KDM3A: variants seen among roughly 807,000 people sequenced by gnomAD.
KDM3A encodes the protein lysine-specific demethylase 3A.
A neutral mutation model predicts 158.0 loss-of-function variants in KDM3A; 60 were observed. That is an observed-to-expected ratio of 0.38 (90% CI 0.31 to 0.47). The LOEUF (loss-of-function observed/expected upper bound fraction) is 0.47. Ranked by LOEUF, KDM3A falls within the 20% of genes least tolerant of loss-of-function variation. The pLI, the probability that KDM3A is intolerant of heterozygous loss-of-function variation, is 0.99. For missense variants in KDM3A, 1,319 were observed against 1,574.3 expected (o/e 0.84, Z 2.74); for synonymous variants, 608 against 549.3 (o/e 1.11, Z -1.49).
intron 15 of KDM3A, chr2:86,479,209 C>T (rs182606210): frequency 1.2e-3 from 189 of 153,560 alleles, no homozygotes; most frequent in Non-Finnish European, 2.5e-3. Context: ...TTTCTCAGTC[C>T]TCATATGTCT....
At chr2:86,445,830 A>G (rs1436288058) in intron 2 of KDM3A, among the ~76,000 whole-genome samples, 1 of 152,250 alleles carries the variant, frequency 6.6e-6, no homozygotes, top group Admixed American at 6.5e-5. Context: ...ACATTTAGGC[A>G]TAAGAAGACA....
rs908501393 is a variant in KDM3A, at chr2:86,457,003, G to A, written c.775G>A (p.Ala259Thr). The change falls in exon 8 of 26, where the codon GCT becomes ACT. Residue 259 changes from alanine (A) to threonine (T), a missense_variant. Ala to Thr is a moderately conservative substitution (Grantham distance 58). Coordinates refer to ENST00000312912, the MANE Select transcript of KDM3A (RefSeq NM_018433.6). ...TTTAGGTAATTCTGCAAGAATTGGA[G>A]CTGTAAAACGCAAGTCTTCTGAGAA... is the stretch of plus-strand genomic sequence containing the variant. ...VTCGNSARIG[A>T]VKRKSSENNG... 43 of 1,603,250 alleles carry A rather than the reference G, an allele frequency of 2.7e-5. No homozygotes were observed. Among genetic ancestry groups the A allele is most frequent in the Middle Eastern group, 3.3e-4 (2 of 6,048 alleles).
In KDM3A at chr2:86,489,364, C is replaced by T; in HGVS notation, c.3360C>T (p.His1120=). 6.2e-7 allele frequency: 1 copy of T among 1,613,964 alleles called. No homozygotes were observed. Among genetic ancestry groups the T allele is most frequent in the Non-Finnish European group, 8.5e-7 (1 of 1,179,900 alleles). ...EDRKYGTTNL[H]LDVSDAANVM... ...GGAAATATGGAACAACAAATCTTCA[C>T]TTAGATGTATCTGATGCAGCTAATG... is the stretch of plus-strand genomic sequence containing the variant. The change falls in exon 22 of 26, where the codon CAC becomes CAT. Residue 1120 remains histidine (H), a synonymous_variant. Coordinates refer to ENST00000312912, the MANE Select transcript of KDM3A (RefSeq NM_018433.6).
rs751299695 is a variant in KDM3A at position 86,442,238 on chromosome 2, A to T, written c.186+5A>T. 1 of 1,597,712 alleles carries T rather than the reference A, an allele frequency of 6.3e-7. No homozygotes were observed. Among genetic ancestry groups the T allele is most frequent in the African/African-American group, 1.3e-5 (1 of 74,266 alleles). ...GTTACCAAGAAGGATCTGAAGGTACAGGCGGCTCCGGGCCTCTGCCACCGG... is the reference window on the plus strand; with the variant it reads ...GTTACCAAGAAGGATCTGAAGGTACTGGCGGCTCCGGGCCTCTGCCACCGG... On this transcript the variant is annotated splice_donor_5th_base_variant and intron_variant, in intron 2 of 25. Coordinates refer to ENST00000312912, the MANE Select transcript of KDM3A (RefSeq NM_018433.6).
chr2:86,475,120 G>A, intron 12 of KDM3A, 130 bp downstream of exon 12: 1 of 739,068 alleles, frequency 1.4e-6, no homozygotes, highest in Non-Finnish European at 2.3e-6. Flanking sequence ...TAATGAGGTT[G>A]CATTTTTCCT....
intron 10 of KDM3A, among the ~76,000 whole-genome samples, chr2:86,467,091 C>T (rs568636456): frequency 6.5e-4 from 99 of 152,246 alleles, no homozygotes; most frequent in African/African-American, 1.9e-3. Flanking sequence ...TATAGAAATA[C>T]AGATAAACTG....
intron 3 of KDM3A, 46 bp downstream of exon 3, chr2:86,450,008 T>G (rs773067385): frequency 6.5e-7 from 1 of 1,549,564 alleles, no homozygotes; most frequent in South Asian, 1.2e-5. Context: ...GAGGGCATTT[T>G]ATCCATTGTG....
At chr2:86,472,671 T>C (rs1262655212) in intron 11 of KDM3A, among the ~76,000 whole-genome samples, 1 of 152,186 alleles carries the variant, frequency 6.6e-6, no homozygotes, top group East Asian at 1.9e-4. Context: ...TTTGGACAAA[T>C]GGTTTTTCTA....
At chr2:86,482,191 A>T in intron 17 of KDM3A, 89 bp downstream of exon 17, 3 of 1,398,270 alleles carry the variant, frequency 2.1e-6, no homozygotes, top group Non-Finnish European at 3.0e-6. Flanking sequence ...AGTAGAAAGG[A>T]GACTGAATCA....
At chr2:86,465,775 C>T (rs1167559308) in intron 9 of KDM3A, among the ~76,000 whole-genome samples, 6 of 151,850 alleles carry the variant, frequency 4.0e-5, no homozygotes, top group Non-Finnish European at 5.9e-5. Flanking sequence ...TTTTTATATA[C>T]GTATATATTT....
At chr2:86,487,024 G>A (rs1000801958) in intron 21 of KDM3A, 2 of 152,326 alleles carry the variant, frequency 1.3e-5, no homozygotes, top group African/African-American at 4.8e-5. Context: ...GTGCTCTCTC[G>A]AGGTCCTGTC....
intron 11 of KDM3A, among the ~76,000 whole-genome samples, chr2:86,470,821 A>T (rs1431841648): frequency 6.6e-6 from 1 of 152,158 alleles, no homozygotes; most frequent in Non-Finnish European, 1.5e-5. Flanking sequence ...GAACCTCTTG[A>T]TCATAACCTT....
At chr2:86,468,038 AACGAAAACAACCT>A (rs1371583874) in intron 10 of KDM3A, among the ~76,000 whole-genome samples, 6 of 152,270 alleles carry the variant, frequency 3.9e-5, no homozygotes, top group African/African-American at 1.2e-4. Flanking sequence ...AAAACAAACA[AACGAAAACAACCT>A]ACGAAAACAA....
chr2:86,481,863 T>A (rs1673945982), intron 16 of KDM3A, 67 bp from the exon 17 acceptor site: 2 of 1,230,792 alleles, frequency 1.6e-6, no homozygotes, highest in Non-Finnish European at 1.2e-6. Flanking sequence ...ATTCTGCTAG[T>A]AGAATACTAA....
chr2:86,460,276 C>G (rs190814916), intron 8 of KDM3A, among the ~76,000 whole-genome samples: 115 of 152,112 alleles, frequency 7.6e-4, no homozygotes, highest in Admixed American at 1.6e-3. Flanking sequence ...TCCTTGATTC[C>G]CTTGCAATGT....
chr2:86,453,561 C>T (rs986297741), intron 4 of KDM3A, among the ~76,000 whole-genome samples: 49 of 152,186 alleles, frequency 3.2e-4, no homozygotes, highest in African/African-American at 1.1e-3. Context: ...CCTAGGCAGC[C>T]TAATATTTTT....
At position 86,470,272 on chromosome 2, in the gene KDM3A, T is replaced by A. The variant is rs1363162270; in HGVS notation, c.1588T>A (p.Phe530Ile). The change falls in exon 11 of 26, where the codon TTC becomes ATC. Residue 530 changes from phenylalanine (F) to isoleucine (I), a missense_variant. Phe to Ile is a conservative substitution (Grantham distance 21, BLOSUM62 0). Transcript: ENST00000312912. ...LKKLQQSGEA[F>I]VQDDSCVNIV... ...AAAGCTGCAACAGAGTGGCGAGGCC[T>A]TCGTACAGGATGATTCTTGTGTGAA... 1 of 1,614,056 alleles carries A rather than the reference T, an allele frequency of 6.2e-7. No individual in the cohort carries two copies. Among genetic ancestry groups the A allele is most frequent in the Non-Finnish European group, 8.5e-7 (1 of 1,180,028 alleles).
chr2:86,452,283 C>T (rs1467120562), intron 4 of KDM3A, among the ~76,000 whole-genome samples: 2 of 149,504 alleles, frequency 1.3e-5, no homozygotes, highest in Non-Finnish European at 3.0e-5. Flanking sequence ...GAACAAAATA[C>T]ATGTGTTAGA....
At chr2:86,450,158 A>T (rs369207517) in intron 3 of KDM3A, among the ~76,000 whole-genome samples, 196 bp downstream of exon 3, 226 of 152,280 alleles carry the variant, frequency 1.5e-3, no homozygotes, top group African/African-American at 5.2e-3. Context: ...ACAAATAGGG[A>T]TGGAGGTAGT....
Sources: allele counts gnomAD v4.1 joint callset (sites outside exome capture counted in the v4.1 genomes callset), GRCh38; gene constraint gnomAD v4.1.1; transcripts MANE v1.5; gene names NCBI Gene and HGNC (gene_info 2026-07-23, HGNC 2026-07-21).